VWA5B2: variants seen among roughly 807,000 people sequenced by gnomAD.
VWA5B2 encodes von Willebrand factor A domain containing 5B2.
VWA5B2 carries 93 observed loss-of-function variants against 118.5 expected under a neutral mutation model. The ratio of observed to expected loss-of-function variants is 0.79; its 90% CI spans 0.66 to 0.93. The LOEUF is 0.93. Ranked by LOEUF, VWA5B2 falls within the 40% of genes least tolerant of loss-of-function variation. VWA5B2 has a pLI of 0.00. For synonymous variants in VWA5B2, 708 were observed against 716.3 expected, an observed-to-expected ratio of 0.99 and a Z score of 0.19; for missense variants, 1,546 against 1,672.8, an observed-to-expected ratio of 0.92 and a Z score of 1.32.
rs756386656 is a variant in VWA5B2 at position 184,236,348 on chromosome 3, T to C, written c.1218T>C (p.Ala406=). The change falls in exon 10 of 20, where the codon GCT becomes GCC. Residue 406 remains alanine, a synonymous_variant. Transcript: ENST00000691901. ...CCTGTGCCTTCTCGCTCCAGGATGC[T>C]GTGCAGCTGATCTGCGAGAGCATTG... ...FPESRPCSDD[A]VQLICESIET... is the part of the protein sequence containing the mutation. The C allele has an allele frequency of 3.0e-5, 47 of 1,547,614 alleles. No individual in the cohort carries two copies. Among genetic ancestry groups the C allele is most frequent in the South Asian group, 3.6e-5 (3 of 83,998 alleles).
chr3:184,236,600 G>T, intron 10 of VWA5B2, 38 bp from the exon 11 acceptor site: 2 of 1,547,874 alleles, frequency 1.3e-6, no homozygotes, highest in Non-Finnish European at 1.7e-6. Context: ...CCCACAAGGG[G>T]CTCCTGAAGA....
chr3:184,239,365 G>C lies in VWA5B2; in HGVS notation c.2203-29G>C. On this transcript the variant is annotated intron_variant, in intron 14 of 19. Coordinates refer to ENST00000691901, the MANE Select transcript of VWA5B2 (RefSeq NM_001390846.1). This position sits in a 1 kb window ranked among gnomAD's most constrained non-coding sequence, Gnocchi z 5.1. ...GATGGTCAAGGGTTCTGCATTCCTT[G>C]ACCAGTGGCCCCCATATCTCACATG... 6.6e-7 allele frequency: 1 copy of C among 1,506,460 alleles called. No homozygotes were observed. The highest frequency in any genetic ancestry group is 2.1e-5 in the Admixed American group (1 of 46,704). The allele number at this position is 1,506,460 out of a possible 1,614,324, so 93.3% of individuals were successfully genotyped here.
rs1177949520 is a variant in VWA5B2 at position 184,236,478 on chromosome 3, A to C, written c.1348A>C (p.Thr450Pro). ...CTACCCTCGGCAGCTGTTCCTGCTC[A>C]CTGCTGCCTCACCCATGGCCGCCAC... The part of the protein sequence containing the change: ...RAYPRQLFLL[T>P]AASPMAATTH... Residue 450 changes from threonine (T) to proline (P), a missense_variant, in exon 10 of 20, where the codon ACT becomes CCT. Physicochemically the swap from Thr to Pro is conservative, Grantham distance 38. Coordinates refer to ENST00000691901, the MANE Select transcript of VWA5B2 (RefSeq NM_001390846.1). 1 of 1,547,024 alleles carries C rather than the reference A, an allele frequency of 6.5e-7. No individual in the cohort carries two copies. Among genetic ancestry groups the C allele is most frequent in the Non-Finnish European group, 8.7e-7 (1 of 1,146,926 alleles).
At chr3:184,234,883 G>A in intron 7 of VWA5B2, 128 bp downstream of exon 7, 1 of 1,377,704 alleles carries the variant, frequency 7.3e-7, no homozygotes. Context: ...CTCCACAGCT[G>A]CCACCAACCA....
chr3:184,237,218 C>A lies in VWA5B2; in HGVS notation c.1534-8C>A. On this transcript the variant is annotated splice_polypyrimidine_tract_variant and splice_region_variant and intron_variant, in intron 11 of 19. Coordinates refer to ENST00000691901, the MANE Select transcript of VWA5B2 (RefSeq NM_001390846.1). The surrounding 1 kb of genome is among the most constrained non-coding windows in gnomAD (Gnocchi z 5.6). Reference sequence around the variant, plus strand: ...TTCCCATGTCTTCCCTGTGGCCACTCCCCACAGCTGGTACAGGCTCTGCGG... The same window carrying A: ...TTCCCATGTCTTCCCTGTGGCCACTACCCACAGCTGGTACAGGCTCTGCGG... 6.5e-7 allele frequency: 1 copy of A among 1,550,114 alleles called. No individual in the cohort carries two copies. Among genetic ancestry groups the A allele is most frequent in the Non-Finnish European group, 8.7e-7 (1 of 1,146,062 alleles).
intron 3 of VWA5B2, 194 bp from the exon 4 acceptor site, chr3:184,232,984 G>C (rs1717549179): frequency 3.3e-6 from 2 of 599,320 alleles, no homozygotes; most frequent in Non-Finnish European, 3.0e-6. Flanking sequence ...AGCCAGATCT[G>C]TTCACAGTTA....
At chr3:184,231,490 G>T (rs1462419844) in intron 3 of VWA5B2, among the ~76,000 whole-genome samples, 1 of 152,140 alleles carries the variant, frequency 6.6e-6, no homozygotes, top group Non-Finnish European at 1.5e-5. Context: ...TCCACTAAAC[G>T]TCATTCCTAG....
chr3:184,240,308 A>T, intron 16 of VWA5B2: 1 of 414,430 alleles, frequency 2.4e-6, no homozygotes, highest in South Asian at 5.7e-5. Flanking sequence ...AGCAGCCAGC[A>T]CAGAGGGCAA....
Position 184,230,900 on chromosome 3 carries a change from C to A in VWA5B2, c.293C>A (p.Pro98His). 8.2e-7 allele frequency: 1 copy of A among 1,220,522 alleles called. No individual in the cohort carries two copies. Among genetic ancestry groups the A allele is most frequent in the Non-Finnish European group, 1.0e-6 (1 of 981,158 alleles). The allele number at this position is 1,220,522 out of a possible 1,614,324, so 75.6% of individuals were successfully genotyped here. ...GGCCCGGGGCTGGGGACCCCGACGC[C>A]CCGCCGCTGCGCGCAGGGTGAGTTC... Reference protein sequence around the residue: ...ALGPGLGTPTPRRCAQGHLVL... With the variant: ...ALGPGLGTPTHRRCAQGHLVL... The change falls in exon 3 of 20, where the codon CCC becomes CAC. Residue 98 changes from proline (P) to histidine (H), a missense_variant. Coordinates refer to ENST00000691901, the MANE Select transcript of VWA5B2 (RefSeq NM_001390846.1).
Position 184,236,364 on chromosome 3 carries a change from G to T in VWA5B2, c.1234G>T (p.Glu412Ter). 1 of 1,546,878 alleles carries T rather than the reference G, an allele frequency of 6.5e-7. No individual in the cohort carries two copies. Residue 412 changes from glutamate to a stop codon, truncating the protein, a stop_gained, in exon 10 of 20, where the codon GAG becomes TAG. Coordinates refer to ENST00000691901, the MANE Select transcript of VWA5B2 (RefSeq NM_001390846.1). LOFTEE classifies it high-confidence loss of function. ...CCAGGATGCTGTGCAGCTGATCTGCGAGAGCATTGAGACCCTGCAGGTTCC... is the reference window on the plus strand; with the variant it reads ...CCAGGATGCTGTGCAGCTGATCTGCTAGAGCATTGAGACCCTGCAGGTTCC... Reference protein sequence around the residue: ...CSDDAVQLICESIETLQVPSG... With the variant: ...CSDDAVQLIC
chr3:184,235,194 G>A lies in VWA5B2; in HGVS notation c.987G>A (p.Leu329=). The part of the protein sequence containing the change: ...LQRRFHKDIL[L]NPVLALSFCP... ...GACGCTTCCACAAGGACATCCTGCTGAACCCCGTGCTGGCGCTGAGCTTCT... is the reference window on the plus strand; with the variant it reads ...GACGCTTCCACAAGGACATCCTGCTAAACCCCGTGCTGGCGCTGAGCTTCT... The change falls in exon 8 of 20, where the codon CTG becomes CTA. Residue 329 remains leucine (L), a synonymous_variant. Coordinates refer to ENST00000691901, the MANE Select transcript of VWA5B2 (RefSeq NM_001390846.1). 2 of 1,551,708 alleles carry A rather than the reference G, an allele frequency of 1.3e-6. No individual in the cohort carries two copies. Among genetic ancestry groups the A allele is most frequent in the Non-Finnish European group, 1.7e-6 (2 of 1,146,978 alleles).
Position 184,241,458 on chromosome 3 carries a change from C to T in VWA5B2, c.3181-32C>T. The T allele has an allele frequency of 6.4e-7, 1 of 1,555,994 alleles. No individual in the cohort carries two copies. Among genetic ancestry groups the T allele is most frequent in the Non-Finnish European group, 8.7e-7 (1 of 1,148,476 alleles). On this transcript the variant is annotated intron_variant, in intron 19 of 19. Coordinates refer to ENST00000691901, the MANE Select transcript of VWA5B2 (RefSeq NM_001390846.1). This position sits in a 1 kb window ranked among gnomAD's most constrained non-coding sequence, Gnocchi z 5.1. The stretch of plus-strand genomic sequence containing the variant: ...CCGCCGGGGCCGGGCGCTGTTTCAG[C>T]TCGCTTCTCCCCCCACCTCCTCTCT...
At position 184,239,837 on chromosome 3, in the gene VWA5B2, T is replaced by C; in HGVS notation, c.2541T>C (p.Cys847=). 6.4e-7 allele frequency: 1 copy of C among 1,551,440 alleles called. No individual in the cohort carries two copies. The highest frequency in any genetic ancestry group is 8.7e-7 in the Non-Finnish European group (1 of 1,146,848). The change falls in exon 16 of 20, where the codon TGT becomes TGC. Residue 847 remains cysteine, a synonymous_variant. Transcript: ENST00000691901. This position sits in a 1 kb window ranked among gnomAD's most constrained non-coding sequence, Gnocchi z 5.1. The part of the protein sequence containing the change: ...PRCHVVIRGL[C]GEQPMCWEVG... ...GCCATGTGGTGATCCGGGGCCTGTG[T>C]GGGGAGCAGCCCATGTGCTGGGAGG...
At position 184,233,683 on chromosome 3, in the gene VWA5B2, C is replaced by T; in HGVS notation, c.638C>T (p.Pro213Leu). ...VFSGPARCPA[P>L]YTFSFEMLVT... ...TCAGGCCCTGCCCGCTGCCCTGCCC[C>T]ATATACCTTCTCCTTCGAGATGCTG... The change falls in exon 5 of 20, where the codon CCA becomes CTA. Residue 213 changes from proline (P) to leucine (L), a missense_variant. Around this residue, in one of 3 missense-constraint regions of VWA5B2, gnomAD observed 775 missense variants for 882.3 expected, o/e 0.88. Transcript: ENST00000691901. This position sits in a 1 kb window ranked among gnomAD's most constrained non-coding sequence, Gnocchi z 5.2. The T allele has an allele frequency of 1.3e-6, 2 of 1,551,328 alleles. No individual in the cohort carries two copies. Among genetic ancestry groups the T allele is most frequent in the Non-Finnish European group, 1.7e-6 (2 of 1,147,008 alleles).
At chr3:184,234,930 G>A (rs1304947403) in intron 7 of VWA5B2, 175 bp downstream of exon 7, 20 of 1,147,090 alleles carry the variant, frequency 1.7e-5, no homozygotes, top group African/African-American at 7.8e-5. Flanking sequence ...TTGGAGGGCC[G>A]ATGTGAATCT....
chr3:184,235,342 G>A, intron 8 of VWA5B2, 34 bp downstream of exon 8: 1 of 1,540,142 alleles, frequency 6.5e-7, no homozygotes, highest in East Asian at 2.5e-5. Flanking sequence ...AGGCCTGGGG[G>A]TTGGGTGGGG....
rs752607575 is a variant in VWA5B2, at chr3:184,234,751, G to T, written c.941G>T (p.Arg314Leu). 6.4e-7 allele frequency: 1 copy of T among 1,550,536 alleles called. No homozygotes were observed. The highest frequency in any genetic ancestry group is 2.4e-5 in the East Asian group (1 of 40,920). ...CAGCGAAGGGACAGTGATGGGGACC[G>T]GCAGGTACCGCCATAGGAGCCTGGC... is the stretch of plus-strand genomic sequence containing the variant. ...RLQRRDSDGD[R>L]QVWFLQRRFH... is the part of the protein sequence containing the mutation. Residue 314 changes from arginine (R) to leucine (L), a missense_variant, in exon 7 of 20, where the codon CGG becomes CTG. Arg to Leu is a moderately radical substitution (Grantham distance 102). Transcript: ENST00000691901.
At position 184,236,183 on chromosome 3, in the gene VWA5B2, CGCCCCAGACGCTTATCA is replaced by C. The variant is rs1717968248; in HGVS notation, c.1134_1150del (p.Gln380GlyfsTer19). ...ATTGTTTTGGCTGTGAAGTCCCTCC[CGCCCCAGACGCTTATCA>C]ACCTGGCCGTGTTTGGGACGTTGGT... is the stretch of plus-strand genomic sequence containing the variant. On this transcript the variant is annotated frameshift_variant, in exon 9 of 20. Transcript: ENST00000691901. LOFTEE classifies it high-confidence loss of function. The C allele has an allele frequency of 5.2e-6, 8 of 1,551,692 alleles. No homozygotes were observed. The highest frequency in any genetic ancestry group is 3.9e-5 in the Admixed American group (2 of 51,014).
Position 184,239,304 on chromosome 3 carries a change from A to C in VWA5B2, c.2203-90A>C. 1 of 1,369,196 alleles carries C rather than the reference A, an allele frequency of 7.3e-7. No individual in the cohort carries two copies. The highest frequency in any genetic ancestry group is 9.5e-7 in the Non-Finnish European group (1 of 1,049,454). The allele number at this position is 1,369,196 out of a possible 1,614,324, so 84.8% of individuals were successfully genotyped here. On this transcript the variant is annotated intron_variant, in intron 14 of 19. Transcript: ENST00000691901. The surrounding 1 kb of genome is among the most constrained non-coding windows in gnomAD (Gnocchi z 5.1). Reference sequence around the variant, plus strand: ...CTGGTGAGCGGCCACCCAGGGTTTCAGAAAAGGGGCATGGGCCAGCTGTGC... The same window carrying C: ...CTGGTGAGCGGCCACCCAGGGTTTCCGAAAAGGGGCATGGGCCAGCTGTGC...
Sources: gnomAD v4.1 joint callset for allele counts (sites outside exome capture counted in the v4.1 genomes callset) on GRCh38, gnomAD v4.1.1 for gene constraint, gnomAD v4.1.1 regional missense constraint, Gnocchi (gnomAD v3.1) non-coding constraint, MANE v1.5 for transcripts, NCBI Gene and HGNC (gene_info 2026-07-23, HGNC 2026-07-21) for gene names.